Variants in STIM1 observed in about 807,000 individuals in gnomAD.
STIM1 encodes the protein stromal interaction molecule 1.
Under a neutral mutation model 74.7 loss-of-function variants are expected in STIM1, and 25 were observed. The observed-to-expected ratio is 0.33, with a 90% CI of 0.24 to 0.47. The LOEUF (loss-of-function observed/expected upper bound fraction) is 0.47. Among genes scored for constraint, STIM1 ranks in the 20% least tolerant of loss-of-function variants. The probability of loss-of-function intolerance (pLI) is 1.00; values close to 1 mark genes in which losing one functional copy is unlikely to be tolerated. For missense variants in STIM1, 728 were observed against 920.8 expected (o/e 0.79, Z 2.71); for synonymous variants, 328 against 348.8 (o/e 0.94, Z 0.66).
chr11:3,989,411 TG>T, intron 2 of STIM1: 1 of 740,960 alleles, frequency 1.3e-6, no homozygotes, highest in East Asian at 2.6e-5. Context: ...GATCTCCTCT[TG>T]GGCTCTTCCT....
At chr11:3,937,910 A>G (rs560637229) in intron 1 of STIM1, among the ~76,000 whole-genome samples, 1 of 150,410 alleles carries the variant, frequency 6.6e-6, no homozygotes, top group African/African-American at 2.4e-5. Context: ...AACTTCACCT[A>G]GGATCTTGAG....
Position 3,985,028 on chromosome 11 carries a change from C to T in STIM1, c.270+17346C>T, listed in dbSNP as rs183256788. ...GGTACCAGTTCCCAGACAAGCTGAG[C>T]TACGTATCAGTGAGAGTAGGCATAG... is the stretch of plus-strand genomic sequence containing the variant. On this transcript the variant is annotated intron_variant, in intron 2 of 12. Transcript: ENST00000526596. 3.9e-5 allele frequency among the ~76,000 whole-genome samples: 6 copies of T among 152,238 alleles called. No homozygotes were observed. The East Asian group carries it at 9.6e-4, about 24-fold the overall frequency.
At chr11:3,997,455 G>T (rs937091165) in intron 2 of STIM1, among the ~76,000 whole-genome samples, 6 of 151,976 alleles carry the variant, frequency 3.9e-5, no homozygotes, top group Non-Finnish European at 7.4e-5. Flanking sequence ...CAGAGTTCAA[G>T]ACCAGCCTTA....
intron 1 of STIM1, among the ~76,000 whole-genome samples, chr11:3,943,317 A>G (rs2093033140): frequency 2.6e-5 from 4 of 152,194 alleles, no homozygotes. Flanking sequence ...GCCACATGCT[A>G]TCTAAATATT....
chr11:3,994,432 C>T (rs1490365882), intron 2 of STIM1, among the ~76,000 whole-genome samples: 7 of 145,978 alleles, frequency 4.8e-5, no homozygotes, highest in African/African-American at 1.8e-4. Context: ...GCCATTATTT[C>T]TTTGAATATT....
chr11:3,910,305 T>G (rs2092540398), intron 1 of STIM1, among the ~76,000 whole-genome samples: 1 of 152,174 alleles, frequency 6.6e-6, no homozygotes, highest in African/African-American at 2.4e-5. Flanking sequence ...GTATGGCAGT[T>G]TAGGGACTCT....
At chr11:3,860,557 G>A (rs2090556422) in intron 1 of STIM1, among the ~76,000 whole-genome samples, 1 of 152,200 alleles carries the variant, frequency 6.6e-6, no homozygotes, top group Non-Finnish European at 1.5e-5. Flanking sequence ...AACCCTGCCT[G>A]GGAGAGCTGG....
chr11:3,923,498 A>AGGATGGTCTCGATCT (rs1565116838), intron 1 of STIM1, among the ~76,000 whole-genome samples: 1 of 151,536 alleles, frequency 6.6e-6, no homozygotes, highest in African/African-American at 2.4e-5. Flanking sequence ...AATCCCAGCT[A>AGGATGGTCTCGATCT]CTTGGGAGGC....
intron 1 of STIM1, among the ~76,000 whole-genome samples, chr11:3,923,551 G>A (rs2092747362): frequency 6.6e-6 from 1 of 150,816 alleles, no homozygotes; most frequent in Non-Finnish European, 1.5e-5. Context: ...GGAGGTTGCA[G>A]TGGGCTGAGA....
intron 2 of STIM1, among the ~76,000 whole-genome samples, chr11:3,988,983 C>T (rs914895243): frequency 4.6e-5 from 7 of 152,184 alleles, no homozygotes; most frequent in Admixed American, 1.3e-4. Flanking sequence ...ATGATTTCAC[C>T]TCTTAAATAA....
At chr11:3,931,903 G>A (rs1013432007) in intron 1 of STIM1, among the ~76,000 whole-genome samples, 1 of 152,134 alleles carries the variant, frequency 6.6e-6, no homozygotes, top group Non-Finnish European at 1.5e-5. Flanking sequence ...GCCATACAGG[G>A]GATTGAGGCC....
intron 2 of STIM1, among the ~76,000 whole-genome samples, chr11:4,013,538 G>T (rs2093861379): frequency 6.6e-6 from 1 of 151,126 alleles, no homozygotes; most frequent in Admixed American, 6.6e-5. Context: ...TATTCTCTTT[G>T]TGTAGAGGTG....
intron 7 of STIM1, among the ~76,000 whole-genome samples, 199 bp downstream of exon 7, chr11:4,074,878 C>A (rs1196405397): frequency 6.6e-6 from 1 of 152,158 alleles, no homozygotes; most frequent in Non-Finnish European, 1.5e-5. Context: ...GTGGTTCATG[C>A]CTGTAATTCT....
chr11:4,017,912 C>T (rs111556028), intron 2 of STIM1, among the ~76,000 whole-genome samples: 6 of 152,202 alleles, frequency 3.9e-5, no homozygotes, highest in South Asian at 2.1e-4. Context: ...CTTTTTAACA[C>T]AGTATCCAGA....
intron 5 of STIM1, among the ~76,000 whole-genome samples, chr11:4,064,185 T>C (rs1274549250): frequency 1.3e-5 from 2 of 152,236 alleles, no homozygotes; most frequent in African/African-American, 4.8e-5. Flanking sequence ...TTTCTACTGA[T>C]GCTTGTCAAA....
At chr11:3,935,883 A>G (rs781152014) in intron 1 of STIM1, among the ~76,000 whole-genome samples, 2 of 152,224 alleles carry the variant, frequency 1.3e-5, no homozygotes, top group African/African-American at 2.4e-5. Context: ...TACATTATAC[A>G]TAGGTAACAT....
intron 1 of STIM1, among the ~76,000 whole-genome samples, chr11:3,966,762 C>T (rs566737351): frequency 1.3e-5 from 2 of 152,294 alleles, no homozygotes; most frequent in South Asian, 4.1e-4. Flanking sequence ...ATTTCAGGCT[C>T]TTCCTATTGT....
At chr11:4,056,564 T>G (rs2094291629) in intron 4 of STIM1, among the ~76,000 whole-genome samples, 1 of 152,162 alleles carries the variant, frequency 6.6e-6, no homozygotes, top group Admixed American at 6.5e-5. Context: ...GTGCATCTGG[T>G]TTTGAGCTTC....
intron 3 of STIM1, among the ~76,000 whole-genome samples, chr11:4,053,790 A>G (rs750265121): frequency 2.0e-5 from 3 of 152,162 alleles, no homozygotes; most frequent in Admixed American, 6.5e-5. Context: ...AAAAATTTTA[A>G]TAGAGACAGG....
Sources: allele counts gnomAD v4.1 joint callset (sites outside exome capture counted in the v4.1 genomes callset), GRCh38; gene constraint gnomAD v4.1.1; transcripts MANE v1.5; gene names NCBI Gene and HGNC (gene_info 2026-07-23, HGNC 2026-07-21).